DLGAP1: variants seen among roughly 807,000 people sequenced by gnomAD.
DLGAP1 encodes DLG associated protein 1.
Under a neutral mutation model 90.8 loss-of-function variants are expected in DLGAP1, and 11 were observed. That is an observed-to-expected ratio of 0.12 (90% CI 0.08 to 0.20). The LOEUF is 0.20. Among genes scored for constraint, DLGAP1 ranks in the 10% least tolerant of loss-of-function variants. The pLI is 1.00. For synonymous variants in DLGAP1, 558 were observed against 540.7 expected, an observed-to-expected ratio of 1.03 and a Z score of -0.44; for missense variants, 1,050 against 1,333.8, an observed-to-expected ratio of 0.79 and a Z score of 3.31.
Position 3,544,845 on chromosome 18 carries a change from T to A in DLGAP1, c.2058-10230A>T, listed in dbSNP as rs564124886. Among the ~76,000 whole-genome samples, 9 of 152,142 alleles carry A rather than the reference T, an allele frequency of 5.9e-5. No individual in the cohort carries two copies. In the South Asian group the frequency reaches 1.7e-3, roughly 28 times the overall value. On this transcript the variant is annotated intron_variant, in intron 9 of 12. Transcript: ENST00000315677. ...CCTCTGCCTCCCTGGTCTCAAGGGA[T>A]CCTCCTACCTCAACCTCCTGTGTAG... is the stretch of plus-strand genomic sequence containing the variant.
chr18:4,079,841 T>G (rs1268507304), intron 2 of DLGAP1, among the ~76,000 whole-genome samples: 1 of 152,044 alleles, frequency 6.6e-6, no homozygotes, highest in East Asian at 1.9e-4. Flanking sequence ...AAAATCCTGC[T>G]TACATCCTAG....
At chr18:3,837,880 A>AAAAAAAAAAC (rs1297670010) in intron 4 of DLGAP1, among the ~76,000 whole-genome samples, 1 of 142,832 alleles carries the variant, frequency 7.0e-6, no homozygotes, top group Non-Finnish European at 1.6e-5. Context: ...AAAAAAAAAA[A>AAAAAAAAAAC]AGTCAGGGAC....
At chr18:3,928,073 C>T (rs1439221348) in intron 3 of DLGAP1, among the ~76,000 whole-genome samples, 2 of 152,174 alleles carry the variant, frequency 1.3e-5, no homozygotes, top group African/African-American at 2.4e-5. Context: ...AATTTAGTAG[C>T]TCACATTCCT....
chr18:3,878,887 G>A (rs2071071572), intron 4 of DLGAP1, among the ~76,000 whole-genome samples: 1 of 152,172 alleles, frequency 6.6e-6, no homozygotes, highest in Non-Finnish European at 1.5e-5. Context: ...GCTTTTCAAA[G>A]CACTTGGATA....
rs545379849 is a variant in DLGAP1 at position 3,583,277 on chromosome 18, C to T, written c.1592-1029G>A. ...GTTTCCCCACCTCCTTCCCTTCTTT[C>T]CTTCCTTCCCTCCTTCAGTCTTTTT... On this transcript the variant is annotated intron_variant, in intron 7 of 12. Coordinates refer to ENST00000315677, the MANE Select transcript of DLGAP1 (RefSeq NM_004746.4). 3.5e-4 allele frequency among the ~76,000 whole-genome samples: 53 copies of T among 150,254 alleles called. 1 individual carries two copies. Among genetic ancestry groups the T allele is most frequent in the African/African-American group, 1.3e-3 (51 of 40,786 alleles).
At chr18:4,402,098 C>T (rs557246389) in intron 1 of DLGAP1, among the ~76,000 whole-genome samples, 2 of 152,332 alleles carry the variant, frequency 1.3e-5, no homozygotes, top group East Asian at 1.9e-4. Context: ...TAGCAGGGGG[C>T]TACTGATTAC....
intron 1 of DLGAP1, among the ~76,000 whole-genome samples, chr18:4,157,185 A>G (rs2076771428): frequency 6.6e-6 from 1 of 151,852 alleles, no homozygotes; most frequent in Non-Finnish European, 1.5e-5. Context: ...TTGTCTTTGC[A>G]CTCAAATAGT....
chr18:4,179,371 C>G (rs1410968377), intron 1 of DLGAP1, among the ~76,000 whole-genome samples: 1 of 151,668 alleles, frequency 6.6e-6, no homozygotes. Flanking sequence ...GAAATGCTCC[C>G]TATTCAATAA....
intron 2 of DLGAP1, among the ~76,000 whole-genome samples, chr18:4,145,277 T>A (rs1401641648): frequency 6.6e-6 from 1 of 152,222 alleles, no homozygotes; most frequent in Non-Finnish European, 1.5e-5. Context: ...ATCTTACAGA[T>A]GTCTGAAAAA....
chr18:3,960,779 G>T (rs931778692), intron 3 of DLGAP1, among the ~76,000 whole-genome samples: 1 of 152,210 alleles, frequency 6.6e-6, no homozygotes, highest in Non-Finnish European at 1.5e-5. Context: ...CCCTGCAGGT[G>T]CCTGCTCCCC....
chr18:4,410,585 T>C (rs2082756040), intron 1 of DLGAP1, among the ~76,000 whole-genome samples: 1 of 152,126 alleles, frequency 6.6e-6, no homozygotes, highest in African/African-American at 2.4e-5. Flanking sequence ...GAAGTATAAA[T>C]TGCTTAAAAC....
At chr18:3,848,552 T>C (rs952174258) in intron 4 of DLGAP1, among the ~76,000 whole-genome samples, 2 of 152,094 alleles carry the variant, frequency 1.3e-5, no homozygotes, top group Non-Finnish European at 2.9e-5. Context: ...ACATAGCACC[T>C]TCAAAACCAA....
intron 1 of DLGAP1, among the ~76,000 whole-genome samples, chr18:4,194,044 G>C (rs1021156354): frequency 7.2e-5 from 11 of 151,946 alleles, no homozygotes; most frequent in Admixed American, 5.9e-4. Flanking sequence ...TACTCATCCT[G>C]TAACCCCAAC....
At chr18:4,205,755 T>C (rs1333497136) in intron 1 of DLGAP1, among the ~76,000 whole-genome samples, 1 of 152,242 alleles carries the variant, frequency 6.6e-6, no homozygotes, top group Non-Finnish European at 1.5e-5. Context: ...ATGGCTATCA[T>C]AATGGATAAC....
chr18:4,352,956 C>T (rs913145484), intron 1 of DLGAP1, among the ~76,000 whole-genome samples: 5 of 152,122 alleles, frequency 3.3e-5, no homozygotes, highest in African/African-American at 1.2e-4. Flanking sequence ...ACCTGGATTA[C>T]AGATGGTCCT....
At chr18:3,537,286 C>G (rs2052434294) in intron 9 of DLGAP1, among the ~76,000 whole-genome samples, 1 of 152,164 alleles carries the variant, frequency 6.6e-6, no homozygotes, top group Non-Finnish European at 1.5e-5. Context: ...CCCCAGGCAG[C>G]CATCATTCCA....
At chr18:3,784,623 C>T (rs1305548177) in intron 5 of DLGAP1, among the ~76,000 whole-genome samples, 7 of 152,138 alleles carry the variant, frequency 4.6e-5, no homozygotes, top group South Asian at 2.1e-4. Context: ...CCCGGCTCTG[C>T]GCCCGCGATG....
At chr18:4,060,931 G>C (rs2075289412) in intron 2 of DLGAP1, among the ~76,000 whole-genome samples, 1 of 152,074 alleles carries the variant, frequency 6.6e-6, no homozygotes, top group Non-Finnish European at 1.5e-5. Context: ...AAATTTAAAG[G>C]TTATTAGGCC....
At chr18:3,741,302 CATCACAT>C (rs1203497046) in intron 6 of DLGAP1, among the ~76,000 whole-genome samples, 7 of 118,476 alleles carry the variant, frequency 5.9e-5, no homozygotes, top group African/African-American at 2.5e-4. Flanking sequence ...ACCACCACCA[CATCACAT>C]CACCACCACC....
Sources: allele counts gnomAD v4.1 joint callset (sites outside exome capture counted in the v4.1 genomes callset), GRCh38; gene constraint gnomAD v4.1.1; transcripts MANE v1.5; gene names NCBI Gene and HGNC (gene_info 2026-07-23, HGNC 2026-07-21).